The following ANXA13 variants were observed in gnomAD, a reference collection of about 807,000 sequenced individuals.
The protein encoded by ANXA13 is annexin XIII.
ANXA13 carries 36 observed loss-of-function variants against 46.6 expected under a neutral mutation model. The ratio of observed to expected loss-of-function variants is 0.77; its 90% CI spans 0.59 to 1.02. The LOEUF (loss-of-function observed/expected upper bound fraction) is 1.02. Ranked by LOEUF, ANXA13 falls within the 50% of genes least tolerant of loss-of-function variation. The pLI is 0.00. For synonymous variants in ANXA13, 163 were observed against 152.9 expected, an observed-to-expected ratio of 1.07 and a Z score of -0.49; for missense variants, 417 against 396.5, an observed-to-expected ratio of 1.05 and a Z score of -0.44.
intron 2 of ANXA13, among the ~76,000 whole-genome samples, chr8:123,708,189 T>C (rs1050794532): frequency 1.3e-5 from 2 of 152,166 alleles, no homozygotes; most frequent in African/African-American, 2.4e-5. Flanking sequence ...AAGGCTTTTT[T>C]AAAAATGAGA....
At chr8:123,697,139 C>G (rs1020753190) in intron 4 of ANXA13, among the ~76,000 whole-genome samples, 1 of 152,180 alleles carries the variant, frequency 6.6e-6, no homozygotes, top group Admixed American at 6.5e-5. Context: ...CAAACTCCGT[C>G]TGACCTCAAG....
chr8:123,731,385 C>T (rs1162725920), intron 1 of ANXA13, among the ~76,000 whole-genome samples: 1 of 152,172 alleles, frequency 6.6e-6, no homozygotes, highest in African/African-American at 2.4e-5. Context: ...AATTTGAACT[C>T]CAACTGGGCA....
At position 123,698,445 on chromosome 8, in the gene ANXA13, C is replaced by A. The variant is rs1478634364; in HGVS notation, c.301G>T (p.Gly101Cys). 1 of 1,614,156 alleles carries A rather than the reference C, an allele frequency of 6.2e-7. No homozygotes were observed. Among genetic ancestry groups the A allele is most frequent in the Non-Finnish European group, 8.5e-7 (1 of 1,180,028 alleles). The change falls in exon 4 of 11, where the codon GGT becomes TGT. Residue 101 changes from glycine (G) to cysteine (C), a missense_variant. Physicochemically the swap from Gly to Cys is radical, Grantham distance 159. Coordinates refer to ENST00000419625, the MANE Select transcript of ANXA13 (RefSeq NM_004306.4). ...AARQLQKAMK[G>C]LGTDESVLIE... ...AGGACGGACTCATCTGTGCCCAGAC[C>A]CTTCATAGCCTTCTGCAGCTGCCGG...
intron 2 of ANXA13, among the ~76,000 whole-genome samples, chr8:123,710,703 C>T (rs1813641113): frequency 6.6e-6 from 1 of 151,788 alleles, no homozygotes; most frequent in Non-Finnish European, 1.5e-5. Context: ...TATGTTCAAT[C>T]ACAGTGTTCC....
intron 1 of ANXA13, among the ~76,000 whole-genome samples, chr8:123,720,992 C>T (rs747382993): frequency 6.6e-5 from 10 of 152,164 alleles, no homozygotes; most frequent in Non-Finnish European, 8.8e-5. Flanking sequence ...ATTCATCTTG[C>T]GTAACCAAAA....
chr8:123,702,620 T>C (rs1476909719), intron 3 of ANXA13, 22 bp downstream of exon 3: 1 of 1,607,054 alleles, frequency 6.2e-7, no homozygotes, highest in Non-Finnish European at 8.5e-7. Context: ...GGTGCAAGCT[T>C]GCTGACCACC....
At chr8:123,709,873 C>A (rs1445461502) in intron 2 of ANXA13, among the ~76,000 whole-genome samples, 2 of 152,154 alleles carry the variant, frequency 1.3e-5, no homozygotes, top group Admixed American at 1.3e-4. Flanking sequence ...ATTCTCCTGC[C>A]TCAGCCTCCC....
intron 1 of ANXA13, among the ~76,000 whole-genome samples, chr8:123,731,655 T>C (rs11774647): frequency 0.44 from 66,399 of 151,844 alleles, 14,898 homozygotes; most frequent in South Asian, 0.53. Flanking sequence ...TGGAGGATTC[T>C]TGAGCCCCGG....
At chr8:123,718,319 G>C (rs552939725) in intron 1 of ANXA13, among the ~76,000 whole-genome samples, 11 of 152,254 alleles carry the variant, frequency 7.2e-5, no homozygotes, top group African/African-American at 2.6e-4. Context: ...GCACTCTAAA[G>C]ATCAATTTCT....
chr8:123,722,305 C>T (rs778082661), intron 1 of ANXA13, among the ~76,000 whole-genome samples: 9 of 143,264 alleles, frequency 6.3e-5, no homozygotes, highest in African/African-American at 2.1e-4. Context: ...AGAGTGAGAC[C>T]CTGTCTCAAA....
At chr8:123,715,447 G>T (rs529715863) in intron 1 of ANXA13, among the ~76,000 whole-genome samples, 1 of 152,368 alleles carries the variant, frequency 6.6e-6, no homozygotes, top group Admixed American at 6.5e-5. Flanking sequence ...CAGGGCAACA[G>T]AAATCTCCTA....
chr8:123,726,605 C>A (rs935833127), intron 1 of ANXA13, among the ~76,000 whole-genome samples: 2 of 152,210 alleles, frequency 1.3e-5, no homozygotes, highest in African/African-American at 2.4e-5. Flanking sequence ...GGCAGGAAAT[C>A]CAGCAGCCCA....
chr8:123,720,675 T>G (rs1405200760), intron 1 of ANXA13, among the ~76,000 whole-genome samples: 1 of 151,494 alleles, frequency 6.6e-6, no homozygotes, highest in Non-Finnish European at 1.5e-5. Flanking sequence ...TGTGTGTGTG[T>G]GTGTGTGTGT....
rs745340317 is a variant in ANXA13 at position 123,693,263 on chromosome 8, C to T, written c.576G>A (p.Ala192=). The change falls in exon 8 of 11, where the codon GCG becomes GCA. Residue 192 remains alanine (A), a synonymous_variant. Transcript: ENST00000419625. ...TCCTCTTGGCCAGGACTTCATTGAA[C>T]GCAAGCTCATCAGTGCCCCAGCGGC... ...GEGRWGTDEL[A]FNEVLAKRSY... 2.4e-5 allele frequency: 38 copies of T among 1,614,018 alleles called. No individual in the cohort carries two copies. Among genetic ancestry groups the T allele is most frequent in the South Asian group, 4.4e-5 (4 of 91,078 alleles).
chr8:123,722,342 A>AAAAGAAAAGAAAGAAAGAAAGAAAG (rs774963834), intron 1 of ANXA13, among the ~76,000 whole-genome samples: 1 of 136,858 alleles, frequency 7.3e-6, no homozygotes. Context: ...GAAAGAAAAG[A>AAAAGAAAAGAAAGAAAGAAAGAAAG]AAAGAAAGAA....
At chr8:123,727,198 C>G (rs1814017339) in intron 1 of ANXA13, among the ~76,000 whole-genome samples, 2 of 152,158 alleles carry the variant, frequency 1.3e-5, no homozygotes, top group African/African-American at 4.8e-5. Flanking sequence ...CCAAAACCTA[C>G]AGAAATAAAG....
At position 123,688,992 on chromosome 8, in the gene ANXA13, A is replaced by G. The variant is rs1250083074; in HGVS notation, c.643-46T>C. 6 of 1,581,538 alleles carry G rather than the reference A, an allele frequency of 3.8e-6. No homozygotes were observed. In the East Asian group the frequency reaches 1.3e-4, roughly 35 times the overall value. ...AACTGTTATTCCAGGTTTGCCTTTG[A>G]CCTTAGTACTCTTGGGGTTGTTCCT... On this transcript the variant is annotated intron_variant, in intron 8 of 10. Transcript: ENST00000419625.
At chr8:123,684,868 GA>G (rs1393595937) in intron 9 of ANXA13, 146 bp from the exon 10 acceptor site, 1 of 629,872 alleles carries the variant, frequency 1.6e-6, no homozygotes, top group African/African-American at 1.8e-5. Context: ...ACACCGTTGC[GA>G]AATGAGATTT....
chr8:123,695,871 A>G, intron 4 of ANXA13, 150 bp from the exon 5 acceptor site: 1 of 652,214 alleles, frequency 1.5e-6, no homozygotes, highest in Non-Finnish European at 2.6e-6. Flanking sequence ...TCCAGGGCAC[A>G]CGCCTGGAGC....
Sources: gnomAD v4.1 joint callset for allele counts (sites outside exome capture counted in the v4.1 genomes callset) on GRCh38, gnomAD v4.1.1 for gene constraint, MANE v1.5 for transcripts, NCBI Gene and HGNC (gene_info 2026-07-23, HGNC 2026-07-21) for gene names.